Variants in TOPORS observed in about 807,000 individuals in gnomAD.
The protein encoded by TOPORS is TOP1 binding arginine/serine rich protein, E3 ubiquitin ligase, also known as E3 ubiquitin-protein ligase Topors.
A neutral mutation model predicts 81.4 loss-of-function variants in TOPORS; 25 were observed. The ratio of observed to expected loss-of-function variants is 0.31; its 90% CI spans 0.22 to 0.43. The LOEUF (loss-of-function observed/expected upper bound fraction) is 0.43. Among genes scored for constraint, TOPORS ranks in the 20% least tolerant of loss-of-function variants. The probability of loss-of-function intolerance (pLI) is 1.00; values close to 1 mark genes in which losing one functional copy is unlikely to be tolerated. For missense variants in TOPORS, 1,101 were observed against 1,267.0 expected (o/e 0.87, Z 1.99); for synonymous variants, 473 against 456.6 (o/e 1.04, Z -0.46).
rs1424752025 is a variant in TOPORS, at chr9:32,541,855, C to T, written c.2670G>A (p.Lys890=). The T allele has an allele frequency of 1.9e-6, 3 of 1,613,938 alleles. No homozygotes were observed. The highest frequency in any genetic ancestry group is 2.5e-6 in the Non-Finnish European group (3 of 1,179,988). The stretch of plus-strand genomic sequence containing the variant: ...CTCCATGGTGTTTCTTATGCTTCTT[C>T]TTATGTTTCTTCTTTTTCTTTTTAT... ...KHHKKKKKKH[K]KKHKKHHGDN... The change falls in exon 3 of 3, where the codon AAG becomes AAA. Residue 890 remains lysine (K), a synonymous_variant. Coordinates refer to ENST00000360538, the MANE Select transcript of TOPORS (RefSeq NM_005802.5).
rs371017482 is a variant in TOPORS at position 32,542,211 on chromosome 9, G to A, written c.2314C>T (p.Leu772=). The A allele has an allele frequency of 2.4e-4, 389 of 1,614,192 alleles. 5 individuals carry two copies. In the South Asian group the frequency reaches 2.9e-3, roughly 12 times the overall value. Residue 772 remains leucine (L), a synonymous_variant, in exon 3 of 3, where the codon CTG becomes TTG. Coordinates refer to ENST00000360538, the MANE Select transcript of TOPORS (RefSeq NM_005802.5). ...YYYERHRSRS[L]SSNRSRTAST... is the part of the protein sequence containing the mutation. ...GCAGTCCTTGATCTGTTACTAGACA[G>A]GCTCCTTGATCTGTGCCTTTCATAG...
intron 1 of TOPORS, 109 bp from the exon 2 acceptor site, chr9:32,551,077 A>C: frequency 7.5e-7 from 1 of 1,325,276 alleles, no homozygotes; most frequent in South Asian, 1.2e-5. Flanking sequence ...TTCCTCACGC[A>C]TGCGCAGCAG....
At chr9:32,552,343 T>C in intron 1 of TOPORS, 91 bp downstream of exon 1, 1 of 1,548,474 alleles carries the variant, frequency 6.5e-7, no homozygotes, top group Admixed American at 1.9e-5. Context: ...GGCTAAAAGA[T>C]GGCTGCTGGC....
Position 32,542,430 on chromosome 9 carries a change from T to C in TOPORS, c.2095A>G (p.Arg699Gly), listed in dbSNP as rs746494921. 6.2e-7 allele frequency: 1 copy of C among 1,613,732 alleles called. No individual in the cohort carries two copies. The highest frequency in any genetic ancestry group is 1.1e-5 in the South Asian group (1 of 91,082). The change falls in exon 3 of 3, where the codon AGA becomes GGA. Residue 699 changes from arginine to glycine, a missense_variant. Coordinates refer to ENST00000360538, the MANE Select transcript of TOPORS (RefSeq NM_005802.5). ...TAATAAGTATACTCCCATTTGTATCTGCTTCCATAATTATTTCTTAAATAA... is the reference window on the plus strand; with the variant it reads ...TAATAAGTATACTCCCATTTGTATCCGCTTCCATAATTATTTCTTAAATAA... Reference protein sequence around the residue: ...RYYLRNNYGSRYKWEYTYYSR... With the variant: ...RYYLRNNYGSGYKWEYTYYSR...
chr9:32,552,569 A>G lies in TOPORS; in HGVS notation c.-133T>C. 3 of 1,157,748 alleles carry G rather than the reference A, an allele frequency of 2.6e-6. No individual in the cohort carries two copies. In the South Asian group the frequency reaches 3.9e-5, roughly 15 times the overall value. 71.7% of individuals were successfully genotyped at this position (1,157,748 alleles called of 1,614,324 possible). On this transcript the variant is annotated 5_prime_UTR_variant, in exon 1 of 3. Coordinates refer to ENST00000360538, the MANE Select transcript of TOPORS (RefSeq NM_005802.5). ...TATTTCTTCAGCACCCAGAAACTCC[A>G]AAATCCATTCCTGAATTAAGCATTT...
chr9:32,546,099 T>TCCAG (rs776212910), intron 2 of TOPORS, among the ~76,000 whole-genome samples: 4 of 152,014 alleles, frequency 2.6e-5, no homozygotes, highest in Non-Finnish European at 5.9e-5. Flanking sequence ...TCTTCAGGGG[T>TCCAG]CCAGGTATGT....
At position 32,541,965 on chromosome 9, in the gene TOPORS, T is replaced by C. The variant is rs761134017; in HGVS notation, c.2560A>G (p.Lys854Glu). Residue 854 changes from lysine (K) to glutamate (E), a missense_variant, in exon 3 of 3, where the codon AAA (lysine) becomes GAA (glutamate). By Grantham distance (56) the Lys-to-Glu change is moderately conservative. This residue lies in a region of TOPORS where 605 missense variants were observed against 636.1 expected (regional missense o/e 0.95). Coordinates refer to ENST00000360538, the MANE Select transcript of TOPORS (RefSeq NM_005802.5). ...GTCTTCCTTTTTCTCCTTTTGTGTTTTGTCTCTCTGTCTGATGATCGGCTG... is the reference window on the plus strand; with the variant it reads ...GTCTTCCTTTTTCTCCTTTTGTGTTCTGTCTCTCTGTCTGATGATCGGCTG... ...SDSRSSDRET[K>E]HKRRKRKTRS... The C allele has an allele frequency of 1.9e-6, 3 of 1,613,442 alleles. No individual in the cohort carries two copies. In the Admixed American group the frequency reaches 5.0e-5, roughly 27 times the overall value.
intron 2 of TOPORS, among the ~76,000 whole-genome samples, chr9:32,545,658 G>T (rs944022043): frequency 2.6e-5 from 4 of 151,970 alleles, no homozygotes; most frequent in Non-Finnish European, 5.9e-5. Context: ...CTACTTGGGA[G>T]GCTGAGACAG....
In TOPORS at chr9:32,552,531, G is replaced by T; in HGVS notation, c.-95C>A. 1 of 1,510,192 alleles carries T rather than the reference G, an allele frequency of 6.6e-7. No homozygotes were observed. The highest frequency in any genetic ancestry group is 9.0e-7 in the Non-Finnish European group (1 of 1,106,652). The allele number at this position is 1,510,192 out of a possible 1,614,324, so 93.5% of individuals were successfully genotyped here. A position where few individuals can be genotyped will look rare whatever the true frequency, so the allele number is the denominator to read the frequency against. ...ACCGTGTCGACTCACTGGGCCCGCA[G>T]GCGGAAAGGCCCTATTTCTTCAGCA... On this transcript the variant is annotated 5_prime_UTR_variant, in exon 1 of 3. In the 5' UTR this introduces an upstream ATG that the reference lacks. Transcript: ENST00000360538.
At position 32,542,181 on chromosome 9, in the gene TOPORS, T is replaced by C. The variant is rs746320974; in HGVS notation, c.2344A>G (p.Thr782Ala). The C allele has an allele frequency of 1.0e-4, 168 of 1,614,120 alleles. No homozygotes were observed. The highest frequency in any genetic ancestry group is 1.0e-4 in the Admixed American group (6 of 60,014). Residue 782 changes from threonine (T) to alanine (A), a missense_variant, in exon 3 of 3, where the codon ACC (threonine) becomes GCC (alanine). This residue lies in a region of TOPORS where 605 missense variants were observed against 636.1 expected (regional missense o/e 0.95). Coordinates refer to ENST00000360538, the MANE Select transcript of TOPORS (RefSeq NM_005802.5). ...LSSNRSRTASTGTDRVRNEKP... is the reference protein window; with the variant it reads ...LSSNRSRTASAGTDRVRNEKP... ...TCATTTCTCACCCGGTCAGTCCCGG[T>C]AGATGCAGTCCTTGATCTGTTACTA...
At chr9:32,552,298 C>T in intron 1 of TOPORS, 136 bp downstream of exon 1, 5 of 1,300,126 alleles carry the variant, frequency 3.8e-6, no homozygotes, top group South Asian at 1.3e-5. Flanking sequence ...CCAGCGACAG[C>T]GCTGCACGAA....
chr9:32,541,983 A>G lies in TOPORS; in HGVS notation c.2542T>C (p.Ser848Pro). Residue 848 changes from serine to proline, a missense_variant, in exon 3 of 3, where the codon TCA (serine) becomes CCA (proline). Ser to Pro is a moderately conservative substitution (Grantham distance 74, BLOSUM62 -1). This residue lies in a region of TOPORS where 605 missense variants were observed against 636.1 expected (regional missense o/e 0.95). Coordinates refer to ENST00000360538, the MANE Select transcript of TOPORS (RefSeq NM_005802.5). The part of the protein sequence containing the change: ...NESDTFSDSR[S>P]SDRETKHKRR... ...TTGTGTTTTGTCTCTCTGTCTGATG[A>G]TCGGCTGTCTGAAAAGGTATCACTC... 6.2e-7 allele frequency: 1 copy of G among 1,613,728 alleles called. No homozygotes were observed. Among genetic ancestry groups the G allele is most frequent in the African/African-American group, 1.3e-5 (1 of 74,954 alleles).
In TOPORS at chr9:32,541,748, C is replaced by T; in HGVS notation, c.2777G>A (p.Cys926Tyr). ...AGGGTCTTGAGGACCACTATTGTCA[C>T]ATTCTGTATCCTCCTTTACTTCAGA... The part of the protein sequence containing the change: ...KDSEVKEDTE[C>Y]DNSGPQDPLQ... Residue 926 changes from cysteine to tyrosine, a missense_variant, in exon 3 of 3, where the codon TGT (cysteine) becomes TAT (tyrosine). By Grantham distance (194) the Cys-to-Tyr change is radical. Coordinates refer to ENST00000360538, the MANE Select transcript of TOPORS (RefSeq NM_005802.5). 6.2e-7 allele frequency: 1 copy of T among 1,614,222 alleles called. No individual in the cohort carries two copies. Among genetic ancestry groups the T allele is most frequent in the South Asian group, 1.1e-5 (1 of 91,084 alleles).
At chr9:32,552,222 CCT>C (rs981183838) in intron 1 of TOPORS, 4 of 642,788 alleles carry the variant, frequency 6.2e-6, no homozygotes, top group East Asian at 5.5e-5. Context: ...CGTTTATTCC[CCT>C]CTCTAAAAGG....
At chr9:32,544,685 G>A (rs549221950) in intron 2 of TOPORS, among the ~76,000 whole-genome samples, 20 of 151,952 alleles carry the variant, frequency 1.3e-4, no homozygotes, top group Non-Finnish European at 2.9e-4. Context: ...ACATAGTAAA[G>A]CTCTCAAATA....
At chr9:32,552,284 G>A in intron 1 of TOPORS, 150 bp downstream of exon 1, 1 of 1,143,948 alleles carries the variant, frequency 8.7e-7, no homozygotes, top group Non-Finnish European at 1.3e-6. Flanking sequence ...CCGGGCGGAA[G>A]AGGCCAGCGA....
chr9:32,547,505 T>C (rs1821155407), intron 2 of TOPORS, among the ~76,000 whole-genome samples: 1 of 152,238 alleles, frequency 6.6e-6, no homozygotes, highest in Admixed American at 6.5e-5. Context: ...CACTATGGAA[T>C]TTTATTTGGC....
intron 2 of TOPORS, among the ~76,000 whole-genome samples, chr9:32,547,337 G>A (rs897973721): frequency 2.6e-5 from 4 of 151,950 alleles, no homozygotes; most frequent in African/African-American, 9.7e-5. Context: ...ATATGACCCG[G>A]CAATTACACA....
chr9:32,550,672 C>T, intron 2 of TOPORS, 102 bp downstream of exon 2: 2 of 1,401,378 alleles, frequency 1.4e-6, no homozygotes, highest in Non-Finnish European at 2.0e-6. Flanking sequence ...CCCCGCAGGC[C>T]ATGACCGCAA....
Sources: gnomAD v4.1 joint callset for allele counts (sites outside exome capture counted in the v4.1 genomes callset) on GRCh38, gnomAD v4.1.1 for gene constraint, gnomAD v4.1.1 regional missense constraint, MANE v1.5 for transcripts, NCBI Gene and HGNC (gene_info 2026-07-23, HGNC 2026-07-21) for gene names.